The following TENM4 variants were observed in gnomAD, a reference collection of about 807,000 sequenced individuals.
TENM4 encodes teneurin transmembrane protein 4, also known as teneurin-4.
TENM4 carries 82 observed loss-of-function variants against 243.3 expected under a neutral mutation model. The observed-to-expected ratio is 0.34, with a 90% CI of 0.28 to 0.40. The LOEUF (loss-of-function observed/expected upper bound fraction) is 0.40. TENM4 is among the 10% of genes least tolerant of loss of function. The pLI is 1.00. For missense variants in TENM4, 3,138 were observed against 3,673.3 expected, an observed-to-expected ratio of 0.85 and a Z score of 3.77; for synonymous variants, 1,412 against 1,456.3, an observed-to-expected ratio of 0.97 and a Z score of 0.69.
At chr11:78,903,691 A>G in intron 6 of TENM4, 168 bp from the exon 7 acceptor site, 7 of 1,125,042 alleles carry the variant, frequency 6.2e-6, no homozygotes, top group Non-Finnish European at 9.0e-6. Context: ...AGCACCTACC[A>G]TTCTAGGTGC....
At chr11:79,096,576 G>T (rs1385732229) in intron 4 of TENM4, 1 of 150,666 alleles carries the variant, frequency 6.6e-6, no homozygotes, top group East Asian at 2.0e-4. Context: ...TTCCCCGGTG[G>T]TCTGTTTCTT....
At chr11:78,884,546 C>T (rs1855508807) in intron 9 of TENM4, among the ~76,000 whole-genome samples, 1 of 152,168 alleles carries the variant, frequency 6.6e-6, no homozygotes, top group Non-Finnish European at 1.5e-5. Flanking sequence ...CATATACTGG[C>T]TATGTGACCC....
intron 15 of TENM4, 100 bp from the exon 16 acceptor site, chr11:78,787,183 G>C: frequency 7.4e-7 from 1 of 1,351,280 alleles, no homozygotes. Context: ...AACAAGTATT[G>C]AGCAAGTTAT....
chr11:78,998,810 G>C (rs145514134), intron 6 of TENM4, among the ~76,000 whole-genome samples: 35 of 152,332 alleles, frequency 2.3e-4, no homozygotes, highest in African/African-American at 6.5e-4. Flanking sequence ...TGAGGTCATA[G>C]TGGGGCAAGC....
intron 1 of TENM4, among the ~76,000 whole-genome samples, chr11:79,351,460 C>T (rs931885147): frequency 2.0e-5 from 3 of 152,130 alleles, no homozygotes; most frequent in Non-Finnish European, 2.9e-5. Context: ...AATCCCAGAA[C>T]TTTGGAAGGC....
At position 78,805,510 on chromosome 11, in the gene TENM4, G is replaced by T; in HGVS notation, c.1979-18C>A. 1 of 1,559,950 alleles carries T rather than the reference G, an allele frequency of 6.4e-7. No individual in the cohort carries two copies. On this transcript the variant is annotated intron_variant, in intron 14 of 33. Transcript: ENST00000278550. Reference sequence around the variant, plus strand: ...GCAGTCCACTGTGAGATGGAGGAAGGAGAACATAGGTAAGCATCTGACCAG... The same window carrying T: ...GCAGTCCACTGTGAGATGGAGGAAGTAGAACATAGGTAAGCATCTGACCAG...
At chr11:79,282,671 G>A (rs770513052) in intron 2 of TENM4, among the ~76,000 whole-genome samples, 7 of 152,206 alleles carry the variant, frequency 4.6e-5, no homozygotes, top group Non-Finnish European at 1.0e-4. Flanking sequence ...AGGAGGACAG[G>A]ATGGATTCCA....
At chr11:79,138,856 C>CTATAAATATAT (rs1565219732) in intron 4 of TENM4, among the ~76,000 whole-genome samples, 4 of 94,562 alleles carry the variant, frequency 4.2e-5, no homozygotes, top group South Asian at 3.1e-4. Flanking sequence ...TATAAATATA[C>CTATAAATATAT]AAAATATACC....
At chr11:79,058,540 T>C (rs1195634231) in intron 6 of TENM4, among the ~76,000 whole-genome samples, 1 of 139,606 alleles carries the variant, frequency 7.2e-6, no homozygotes, top group Non-Finnish European at 1.5e-5. Context: ...TGAGACTCCA[T>C]CTCAAAAAAA....
chr11:79,049,500 G>A (rs550103884), intron 6 of TENM4, among the ~76,000 whole-genome samples: 1 of 152,204 alleles, frequency 6.6e-6, no homozygotes, highest in African/African-American at 2.4e-5. Flanking sequence ...AAGAGGCAGG[G>A]GGCAGAAAGG....
chr11:79,033,547 G>A (rs1048889773), intron 6 of TENM4, among the ~76,000 whole-genome samples: 3 of 152,188 alleles, frequency 2.0e-5, no homozygotes, highest in Non-Finnish European at 2.9e-5. Context: ...GGATTACATG[G>A]TGCCAAAGCA....
intron 24 of TENM4, 69 bp downstream of exon 24, chr11:78,722,599 T>A (rs991782034): frequency 7.1e-6 from 11 of 1,556,436 alleles, no homozygotes; most frequent in Non-Finnish European, 9.6e-6. Context: ...CAGCAGGTAA[T>A]GTGGCGGGGC....
At position 78,670,015 on chromosome 11, in the gene TENM4, A is replaced by G; in HGVS notation, c.6330T>C (p.Tyr2110=). ...GCTCTGTCTTGCCTGACACATCATC[A>G]TAGCGATAGAGATCAATGGGCAGTG... ...ETPLPIDLYR[Y]DDVSGKTEQF... The change falls in exon 32 of 34, where the codon TAT becomes TAC. Residue 2110 remains tyrosine, a synonymous_variant. Transcript: ENST00000278550. The G allele has an allele frequency of 1.2e-6, 2 of 1,613,968 alleles. No individual in the cohort carries two copies. The highest frequency in any genetic ancestry group is 1.1e-5 in the South Asian group (1 of 91,068).
At chr11:78,714,754 C>T (rs1274787878) in intron 25 of TENM4, among the ~76,000 whole-genome samples, 2 of 152,080 alleles carry the variant, frequency 1.3e-5, no homozygotes, top group Non-Finnish European at 2.9e-5. Flanking sequence ...TCTGCCTGCA[C>T]CTGCTGCTCC....
intron 3 of TENM4, among the ~76,000 whole-genome samples, chr11:79,194,477 T>C (rs11237757): frequency 6.6e-6 from 1 of 152,052 alleles, no homozygotes; most frequent in South Asian, 2.1e-4. Context: ...CTGATAGTGA[T>C]ATGATCAATA....
At chr11:78,955,708 A>G (rs1269293520) in intron 6 of TENM4, among the ~76,000 whole-genome samples, 3 of 152,186 alleles carry the variant, frequency 2.0e-5, no homozygotes, top group Non-Finnish European at 4.4e-5. Context: ...TTAATTCAAA[A>G]CGTGACCTGT....
At position 78,812,106 on chromosome 11, in the gene TENM4, C is replaced by T. The variant is rs1416977617; in HGVS notation, c.1978+16G>A. 3.9e-6 allele frequency: 6 copies of T among 1,545,050 alleles called. No homozygotes were observed. In the African/African-American group the frequency reaches 5.5e-5, roughly 14 times the overall value. On this transcript the variant is annotated intron_variant, in intron 14 of 33. Transcript: ENST00000278550. ...TCTCAGAGGAAGGTGCCGGAGCTGCCACCTGCAACTCTTACCTTCCTCACA... is the reference window on the plus strand; with the variant it reads ...TCTCAGAGGAAGGTGCCGGAGCTGCTACCTGCAACTCTTACCTTCCTCACA...
chr11:78,660,494 T>C (rs771083374), intron 33 of TENM4, among the ~76,000 whole-genome samples: 2 of 152,032 alleles, frequency 1.3e-5, no homozygotes, highest in Non-Finnish European at 2.9e-5. Flanking sequence ...CGTACAGGGG[T>C]GCAGAATCCC....
intron 6 of TENM4, among the ~76,000 whole-genome samples, chr11:79,041,494 CAA>C (rs34771137): frequency 1.8e-4 from 25 of 140,196 alleles, no homozygotes; most frequent in South Asian, 2.3e-4. Context: ...TGGAGGCACT[CAA>C]AAAAAAAAAA....
Sources: allele counts gnomAD v4.1 joint callset (sites outside exome capture counted in the v4.1 genomes callset), GRCh38; gene constraint gnomAD v4.1.1; transcripts MANE v1.5; gene names NCBI Gene and HGNC (gene_info 2026-07-23, HGNC 2026-07-21).